The following ATP9B variants were observed in gnomAD, a reference collection of about 807,000 sequenced individuals.
The protein encoded by ATP9B is ATPase phospholipid transporting 9B.
In ATP9B, 110 loss-of-function variants were observed where a neutral mutation model predicts 146.1. That is an observed-to-expected ratio of 0.75 (90% CI 0.65 to 0.88). ATP9B has a LOEUF of 0.88. Among genes scored for constraint, ATP9B ranks in the 40% least tolerant of loss-of-function variants. ATP9B has a pLI of 0.00. For synonymous variants in ATP9B, 604 were observed against 569.7 expected (o/e 1.06, Z -0.86); for missense variants, 1,499 against 1,496.4 (o/e 1.00, Z -0.03).
chr18:79,365,862 G>A (rs2097024688), intron 26 of ATP9B, among the ~76,000 whole-genome samples: 1 of 151,354 alleles, frequency 6.6e-6, no homozygotes, highest in Non-Finnish European at 1.5e-5. Flanking sequence ...CTTGTGCGTG[G>A]ATGGAAGGAC....
intron 26 of ATP9B, chr18:79,364,277 AAAAG>A (rs1279037177): frequency 1.2e-3 from 176 of 150,666 alleles, no homozygotes; most frequent in African/African-American, 4.1e-3. Flanking sequence ...AAAAAAAAAA[AAAAG>A]AAAAGAAAAA....
chr18:79,214,189 C>G, intron 11 of ATP9B, 151 bp downstream of exon 11: 2 of 470,850 alleles, frequency 4.2e-6, no homozygotes, highest in Non-Finnish European at 7.3e-6. Context: ...TATGAATTCT[C>G]CGTATTTATA....
At position 79,306,355 on chromosome 18, in the gene ATP9B, G is replaced by A. The variant is rs114454919; in HGVS notation, c.1525-631G>A. Among the ~76,000 whole-genome samples the A allele has an allele frequency of 7.7e-3, 1,173 of 152,290 alleles. 18 individuals carry two copies. Among genetic ancestry groups the A allele is most frequent in the African/African-American group, 0.027 (1,102 of 41,548 alleles). On this transcript the variant is annotated intron_variant, in intron 14 of 29. Coordinates refer to ENST00000426216, the MANE Select transcript of ATP9B (RefSeq NM_198531.5). The stretch of plus-strand genomic sequence containing the variant: ...AAATCTCTGAAACATGGCTGAGCCC[G>A]AGGAGAGCCAGGCACACACATAAGC...
At chr18:79,373,870 C>T in intron 27 of ATP9B, 28 bp from the exon 28 acceptor site, 1 of 1,611,314 alleles carries the variant, frequency 6.2e-7, no homozygotes, top group Non-Finnish European at 8.5e-7. Context: ...TGCTCGTGTG[C>T]ATGGAAAAAG....
At chr18:79,181,142 A>C (rs1359629748) in intron 8 of ATP9B, among the ~76,000 whole-genome samples, 1 of 151,966 alleles carries the variant, frequency 6.6e-6, no homozygotes, top group African/African-American at 2.4e-5. Context: ...GATGTCTTGA[A>C]GTTTTCATTT....
At chr18:79,292,755 G>A (rs887657027) in intron 13 of ATP9B, among the ~76,000 whole-genome samples, 3 of 151,628 alleles carry the variant, frequency 2.0e-5, no homozygotes, top group Admixed American at 2.0e-4. Context: ...GGTTTGTTTT[G>A]TTTTGTTTTG....
chr18:79,327,500 TGTGCTCTCTCCATGGTTAGC>T (rs2096755920), intron 15 of ATP9B, among the ~76,000 whole-genome samples: 4 of 103,732 alleles, frequency 3.9e-5, no homozygotes, highest in African/African-American at 1.3e-4. Context: ...CCGTGGTTAG[TGTGCTCTCTCCATGGTTAGC>T]GTGCTCTCCG....
intron 11 of ATP9B, among the ~76,000 whole-genome samples, chr18:79,236,529 C>T (rs2095842711): frequency 6.6e-6 from 1 of 152,140 alleles, no homozygotes; most frequent in South Asian, 2.1e-4. Flanking sequence ...AAGATACTCT[C>T]TCATATTGTC....
intron 7 of ATP9B, among the ~76,000 whole-genome samples, chr18:79,155,624 C>CT: frequency 6.6e-6 from 1 of 151,934 alleles, no homozygotes; most frequent in Non-Finnish European, 1.5e-5. Context: ...CATCATATAT[C>CT]TTATTTCTAA....
At chr18:79,174,243 A>T in intron 7 of ATP9B, 1 of 392,056 alleles carries the variant, frequency 2.6e-6, no homozygotes, top group Non-Finnish European at 5.0e-6. Flanking sequence ...ATGAAGCTAT[A>T]GTGTAATGGA....
chr18:79,117,102 GTGTT>G (rs2094098065), intron 4 of ATP9B: 1 of 152,100 alleles, frequency 6.6e-6, no homozygotes, highest in Non-Finnish European at 1.5e-5. Flanking sequence ...TTTAGGAAAA[GTGTT>G]TAATAACATA....
chr18:79,197,659 T>C (rs2148204913), intron 9 of ATP9B, among the ~76,000 whole-genome samples: 1 of 152,076 alleles, frequency 6.6e-6, no homozygotes, highest in East Asian at 1.9e-4. Context: ...TCAGTAGAGG[T>C]GATGAAGTTA....
chr18:79,277,161 T>C lies in ATP9B; in HGVS notation c.1376T>C (p.Leu459Pro). Reference sequence around the variant, plus strand: ...CGGACCAGCACTATCCCAGAGGAACTTGGGCGCCTGGTGTATTTATTGACA... The same window carrying C: ...CGGACCAGCACTATCCCAGAGGAACCTGGGCGCCTGGTGTATTTATTGACA... The part of the protein sequence containing the change: ...VVRTSTIPEE[L>P]GRLVYLLTDK... Residue 459 changes from leucine (L) to proline (P), a missense_variant, in exon 13 of 30, where the codon CTT (leucine) becomes CCT (proline). Physicochemically the swap from Leu to Pro is moderately conservative, Grantham distance 98. Coordinates refer to ENST00000426216, the MANE Select transcript of ATP9B (RefSeq NM_198531.5). 2 of 1,614,218 alleles carry C rather than the reference T, an allele frequency of 1.2e-6. No individual in the cohort carries two copies. The highest frequency in any genetic ancestry group is 2.2e-5 in the South Asian group (2 of 91,086).
At chr18:79,328,101 GCT>G (rs1471354894) in intron 15 of ATP9B, among the ~76,000 whole-genome samples, 4 of 149,924 alleles carry the variant, frequency 2.7e-5, no homozygotes, top group Non-Finnish European at 5.9e-5. Flanking sequence ...TGGTTAGCGT[GCT>G]CTCTGTGGTT....
chr18:79,081,283 G>A (rs937614851), intron 1 of ATP9B, among the ~76,000 whole-genome samples: 28 of 152,140 alleles, frequency 1.8e-4, no homozygotes, highest in African/African-American at 6.0e-4. Context: ...ATTAATTACC[G>A]TCTCAGTTTC....
Position 79,096,635 on chromosome 18 carries a change from GTTCCTCT to G in ATP9B, c.280_286del (p.Phe94ValfsTer8). ...AGTGGTTTGTCTGTGATGGCTGGAA[GTTCCTCT>G]GTACCAGGTTTGTTATCCATTGCTA... is the stretch of plus-strand genomic sequence containing the variant. On this transcript the variant is annotated frameshift_variant, in exon 2 of 30. Transcript: ENST00000426216. LOFTEE classifies it high-confidence loss of function. The G allele has an allele frequency of 6.2e-7, 1 of 1,612,984 alleles. No individual in the cohort carries two copies. Among genetic ancestry groups the G allele is most frequent in the East Asian group, 2.2e-5 (1 of 44,800 alleles).
At chr18:79,186,574 AATG>A (rs1238613677) in intron 8 of ATP9B, among the ~76,000 whole-genome samples, 1 of 152,166 alleles carries the variant, frequency 6.6e-6, no homozygotes, top group Admixed American at 6.5e-5. Flanking sequence ...GTCATATTTA[AATG>A]ATGAGTGATT....
intron 26 of ATP9B, 112 bp downstream of exon 26, chr18:79,359,574 G>A (rs750508486): frequency 1.3e-5 from 10 of 792,144 alleles, no homozygotes; most frequent in Middle Eastern, 4.4e-4. Flanking sequence ...TGTGAAAAAC[G>A]ATTCTCTGTC....
At position 79,213,439 on chromosome 18, in the gene ATP9B, C is replaced by T. The variant is rs369440071; in HGVS notation, c.1031-523C>T. On this transcript the variant is annotated intron_variant, in intron 10 of 29. Transcript: ENST00000426216. ...TAGCTTCTAAATGCAAAGTCAAATA[C>T]CGTTTTTTATAATATTTCTATTATT... 2.4e-3 allele frequency among the ~76,000 whole-genome samples: 362 copies of T among 152,040 alleles called. 2 individuals carry two copies. Among genetic ancestry groups the T allele is most frequent in the South Asian group, 6.4e-3 (31 of 4,810 alleles).
Sources: gnomAD v4.1 joint callset for allele counts (sites outside exome capture counted in the v4.1 genomes callset) on GRCh38, gnomAD v4.1.1 for gene constraint, MANE v1.5 for transcripts, NCBI Gene and HGNC (gene_info 2026-07-23, HGNC 2026-07-21) for gene names.